Variants in IKBKE observed in about 807,000 individuals in gnomAD.
IKBKE encodes the protein inhibitor of nuclear factor kappa-B kinase subunit epsilon.
In IKBKE, 45 loss-of-function variants were observed where a neutral mutation model predicts 92.1. That is an observed-to-expected ratio of 0.49 (90% CI 0.38 to 0.63). The LOEUF is 0.63. IKBKE is among the 20% of genes least tolerant of loss of function. The pLI is 0.00. For synonymous variants in IKBKE, 374 were observed against 380.3 expected (o/e 0.98, Z 0.19); for missense variants, 700 against 932.8 (o/e 0.75, Z 3.25).
chr1:206,476,683 C>A lies in IKBKE; in HGVS notation c.546C>A (p.Pro182=). 1 of 1,614,196 alleles carries A rather than the reference C, an allele frequency of 6.2e-7. No homozygotes were observed. Among genetic ancestry groups the A allele is most frequent in the South Asian group, 1.1e-5 (1 of 91,080 alleles). Residue 182 remains proline, a synonymous_variant, in exon 7 of 22, where the codon CCC becomes CCA. Coordinates refer to ENST00000581977, the MANE Select transcript of IKBKE (RefSeq NM_014002.4). This position sits in a 1 kb window ranked among gnomAD's most constrained non-coding sequence, Gnocchi z 5.1. ...SVYGTEEYLH[P]DMYERAVLRK... is the part of the protein sequence containing the mutation. ...ATTCTGGTTCTCTCCGGCAGCATCCCGACATGTATGAGCGGGCGGTGCTTC... is the reference window on the plus strand; with the variant it reads ...ATTCTGGTTCTCTCCGGCAGCATCCAGACATGTATGAGCGGGCGGTGCTTC...
rs77789306 is a variant in IKBKE, at chr1:206,496,706, A to T, written c.*561A>T. 28 of 233,442 alleles carry T rather than the reference A, an allele frequency of 1.2e-4. No individual in the cohort carries two copies. In the East Asian group the frequency reaches 1.6e-3, roughly 14 times the overall value. 14.5% of individuals were successfully genotyped at this position (233,442 alleles called of 1,614,324 possible). A position where few individuals can be genotyped will look rare whatever the true frequency, so the allele number is the denominator to read the frequency against. Reference sequence around the variant, plus strand: ...TCCTGTTCTTTCTATGCTTGGTCTGACTGAGCCTAAAGTTGAGAAAATGGG... The same window carrying T: ...TCCTGTTCTTTCTATGCTTGGTCTGTCTGAGCCTAAAGTTGAGAAAATGGG... On this transcript the variant is annotated 3_prime_UTR_variant, in exon 22 of 22. Coordinates refer to ENST00000581977, the MANE Select transcript of IKBKE (RefSeq NM_014002.4).
intron 10 of IKBKE, 118 bp from the exon 11 acceptor site, chr1:206,479,752 T>G (rs2103462356): frequency 9.2e-7 from 1 of 1,084,582 alleles, no homozygotes; most frequent in Non-Finnish European, 1.4e-6. Flanking sequence ...TCAGGGTGAG[T>G]TGTGAAGCCT....
At chr1:206,488,082 A>C in intron 16 of IKBKE, 92 bp downstream of exon 16, 1 of 941,512 alleles carries the variant, frequency 1.1e-6, no homozygotes, top group East Asian at 2.6e-5. Context: ...AGTGGCCACT[A>C]ACCTCCAGCT....
In IKBKE at chr1:206,494,592, C is replaced by CTTTTTTTTT. The variant is rs58971788; in HGVS notation, c.2117+622_2117+630dup. Among the ~76,000 whole-genome samples, 63 of 63,906 alleles carry CTTTTTTTTT rather than the reference C, an allele frequency of 9.9e-4. 3 individuals carry two copies. The highest frequency in any genetic ancestry group is 3.3e-3 in the African/African-American group (57 of 17,410). 41.9% of individuals were successfully genotyped at this position (63,906 alleles called of 152,430 possible). A position where few individuals can be genotyped will look rare whatever the true frequency, so the allele number is the denominator to read the frequency against. The stretch of plus-strand genomic sequence containing the variant: ...TTTTGCATACCAGTAAAAGTTCTTT[C>CTTTTTTTTT]TTTTTTTTTTTTTTTTTTTTTTTTT... On this transcript the variant is annotated intron_variant, in intron 21 of 21. Coordinates refer to ENST00000581977, the MANE Select transcript of IKBKE (RefSeq NM_014002.4).
intron 5 of IKBKE, among the ~76,000 whole-genome samples, 187 bp from the exon 6 acceptor site, chr1:206,475,994 C>T (rs2103453589): frequency 6.6e-6 from 1 of 152,194 alleles, no homozygotes; most frequent in South Asian, 2.1e-4. Flanking sequence ...CCTCCATACC[C>T]TAGTGTCCTT....
intron 10 of IKBKE, 135 bp downstream of exon 10, chr1:206,479,268 G>T: frequency 1.3e-6 from 1 of 760,056 alleles, no homozygotes; most frequent in Non-Finnish European, 2.1e-6. Context: ...AGGCAGATGT[G>T]GGTTCTAATT....
intron 17 of IKBKE, 90 bp from the exon 18 acceptor site, chr1:206,491,558 G>GTGACGGAGAC: frequency 1.1e-6 from 1 of 891,682 alleles, no homozygotes; most frequent in South Asian, 1.3e-5. Context: ...CGACAAGGTG[G>GTGACGGAGAC]TGACGGAGAC....
At chr1:206,474,191 C>G in intron 3 of IKBKE, 140 bp from the exon 4 acceptor site, 1 of 759,174 alleles carries the variant, frequency 1.3e-6, no homozygotes, top group South Asian at 1.8e-5. Context: ...ATGGGAGCCC[C>G]CATCCAACCA....
chr1:206,474,287 T>A (rs1664935167), intron 3 of IKBKE, 44 bp from the exon 4 acceptor site: 8 of 1,581,678 alleles, frequency 5.1e-6, no homozygotes, highest in Non-Finnish European at 6.9e-6. Flanking sequence ...GTGGGACATG[T>A]GCTAATCCCA....
Position 206,491,657 on chromosome 1 carries a change from C to A in IKBKE, c.1743C>A (p.Phe581Leu). Residue 581 changes from phenylalanine to leucine, a missense_variant, in exon 18 of 22, where the codon TTC becomes TTA. Coordinates refer to ENST00000581977, the MANE Select transcript of IKBKE (RefSeq NM_014002.4). ...TTCTCTGTCGTTCTAGGGTGAATTT[C>A]AGTCATTTAGCCAAAAGACTCCTGC... ...EQIHKLDKVN[F>L]SHLAKRLLQV... The A allele has an allele frequency of 6.2e-7, 1 of 1,612,308 alleles. No homozygotes were observed. The highest frequency in any genetic ancestry group is 1.1e-5 in the South Asian group (1 of 90,996).
chr1:206,480,028 T>C lies in IKBKE; in HGVS notation c.1255T>C (p.Leu419=). 1 of 1,609,266 alleles carries C rather than the reference T, an allele frequency of 6.2e-7. No homozygotes were observed. Among genetic ancestry groups the C allele is most frequent in the South Asian group, 1.1e-5 (1 of 90,476 alleles). ...QADYNTAKGV[L]GAGYQALRLA... ...GTGCATCTCTGTGTTTCAGGGCGTG[T>C]TGGGCGCCGGCTACCAGGCCCTGCG... is the stretch of plus-strand genomic sequence containing the variant. The change falls in exon 12 of 22, where the codon TTG becomes CTG. Residue 419 remains leucine, a synonymous_variant. Coordinates refer to ENST00000581977, the MANE Select transcript of IKBKE (RefSeq NM_014002.4).
rs782001341 is a variant in IKBKE, at chr1:206,476,775, A to G, written c.638A>G (p.His213Arg). ...DLWSIGVTLY[H>R]AATGSLPFIP... ...TGGAGCATTGGAGTGACCTTGTACC[A>G]TGCAGCCACTGGCAGCCTGCCCTTC... The change falls in exon 7 of 22, where the codon CAT (histidine) becomes CGT (arginine). Residue 213 changes from histidine (H) to arginine (R), a missense_variant. His to Arg is a conservative substitution (Grantham distance 29, BLOSUM62 0). Coordinates refer to ENST00000581977, the MANE Select transcript of IKBKE (RefSeq NM_014002.4). This position sits in a 1 kb window ranked among gnomAD's most constrained non-coding sequence, Gnocchi z 5.1. The G allele has an allele frequency of 1.9e-6, 3 of 1,614,234 alleles. No homozygotes were observed. The highest frequency in any genetic ancestry group is 8.5e-7 in the Non-Finnish European group (1 of 1,180,042).
At position 206,493,010 on chromosome 1, in the gene IKBKE, G is replaced by A. The variant is rs943775099; in HGVS notation, c.1836-13G>A. 17 of 1,557,534 alleles carry A rather than the reference G, an allele frequency of 1.1e-5. No individual in the cohort carries two copies. The highest frequency in any genetic ancestry group is 1.5e-5 in the Non-Finnish European group (17 of 1,149,576). The stretch of plus-strand genomic sequence containing the variant: ...TCCTGCTCTAATTCTAAGTCTCTGT[G>A]TGTTCTCTTGAGGGTGGTGCACGAG... On this transcript the variant is annotated splice_polypyrimidine_tract_variant and intron_variant, in intron 18 of 21. Coordinates refer to ENST00000581977, the MANE Select transcript of IKBKE (RefSeq NM_014002.4).
In IKBKE at chr1:206,476,255, G is replaced by A. The variant is rs373699027; in HGVS notation, c.433G>A (p.Val145Ile). The A allele has an allele frequency of 2.4e-5, 39 of 1,614,034 alleles. No individual in the cohort carries two copies. The highest frequency in any genetic ancestry group is 1.6e-4 in the Middle Eastern group (1 of 6,082). Residue 145 changes from valine (V) to isoleucine (I), a missense_variant, in exon 6 of 22, where the codon GTA becomes ATA. Val to Ile is a conservative substitution (Grantham distance 29, BLOSUM62 3). Transcript: ENST00000581977. This position sits in a 1 kb window ranked among gnomAD's most constrained non-coding sequence, Gnocchi z 5.1. The stretch of plus-strand genomic sequence containing the variant: ...CAAGCCGGGGAACATCATGCGCCTC[G>A]TAGGGGAGGAGGGGCAGAGCATCTA... ...DIKPGNIMRL[V>I]GEEGQSIYKL... is the part of the protein sequence containing the mutation.
chr1:206,494,081 C>A, intron 21 of IKBKE, 90 bp downstream of exon 21: 1 of 1,097,712 alleles, frequency 9.1e-7, no homozygotes, highest in Non-Finnish European at 1.4e-6. Context: ...CCTGCCCATG[C>A]AGGTTTGATG....
intron 20 of IKBKE, 78 bp from the exon 21 acceptor site, chr1:206,493,842 G>T (rs1666080296): frequency 9.3e-7 from 1 of 1,073,900 alleles, no homozygotes; most frequent in Admixed American, 1.9e-5. Context: ...CTGCAGAGGA[G>T]GGTGGGCCTC....
intron 17 of IKBKE, chr1:206,491,425 C>G: frequency 2.1e-6 from 1 of 469,942 alleles, no homozygotes; most frequent in Non-Finnish European, 3.9e-6. Context: ...TGTGTGTCTC[C>G]CACGTCTCCC....
At position 206,474,982 on chromosome 1, in the gene IKBKE, C is replaced by T. The variant is rs2103451335; in HGVS notation, c.346C>T (p.Leu116=). The T allele has an allele frequency of 1.9e-6, 3 of 1,613,954 alleles. No individual in the cohort carries two copies. Among genetic ancestry groups the T allele is most frequent in the Non-Finnish European group, 2.5e-6 (3 of 1,180,018 alleles). ...GCCTGAGGATGAGTTCCTGGTGGTG[C>T]TGCGCTGTGTGGGTGAGCCCCTCCC... ...GLPEDEFLVV[L]RCVVAGMNHL... is the part of the protein sequence containing the mutation. The change falls in exon 5 of 22, where the codon CTG becomes TTG. Residue 116 remains leucine (L), a synonymous_variant. Coordinates refer to ENST00000581977, the MANE Select transcript of IKBKE (RefSeq NM_014002.4).
chr1:206,478,874 G>A lies in IKBKE; in HGVS notation c.993-69G>A, dbSNP rs782038869. The A allele has an allele frequency of 2.5e-6, 3 of 1,222,104 alleles. No homozygotes were observed. The highest frequency in any genetic ancestry group is 1.7e-5 in the Admixed American group (1 of 59,412). 75.7% of individuals were successfully genotyped at this position (1,222,104 alleles called of 1,614,324 possible). A position where few individuals can be genotyped will look rare whatever the true frequency, so the allele number is the denominator to read the frequency against. ...TGGGCAACGCTTAGCTGGGGCTTAGGTCACCCTAGCCCCCTGCCTTGCCTA... is the reference window on the plus strand; with the variant it reads ...TGGGCAACGCTTAGCTGGGGCTTAGATCACCCTAGCCCCCTGCCTTGCCTA... On this transcript the variant is annotated intron_variant, in intron 9 of 21. Coordinates refer to ENST00000581977, the MANE Select transcript of IKBKE (RefSeq NM_014002.4). The surrounding 1 kb of genome is among the most constrained non-coding windows in gnomAD (Gnocchi z 4.8).
Sources: allele counts gnomAD v4.1 joint callset (sites outside exome capture counted in the v4.1 genomes callset), GRCh38; gene constraint gnomAD v4.1.1; non-coding constraint Gnocchi (gnomAD v3.1); transcripts MANE v1.5; gene names NCBI Gene and HGNC (gene_info 2026-07-23, HGNC 2026-07-21).